The following POLR1C variants were observed in gnomAD, a reference collection of about 807,000 sequenced individuals.
POLR1C encodes RNA polymerase I and III subunit C.
A neutral mutation model predicts 38.3 loss-of-function variants in POLR1C; 42 were observed. The ratio of observed to expected loss-of-function variants is 1.10; its 90% confidence interval spans 0.86 to 1.42. The LOEUF is 1.42. Among genes scored for constraint, POLR1C ranks in the 40% most tolerant of loss-of-function variants. The pLI is 0.00. For missense variants in POLR1C, 507 were observed against 450.5 expected (o/e 1.13, Z -1.14); for synonymous variants, 163 against 163.9 (o/e 0.99, Z 0.04).
intron 9 of POLR1C, among the ~76,000 whole-genome samples, chr6:43,544,943 G>T (rs1794892267): frequency 6.6e-6 from 1 of 152,140 alleles, no homozygotes; most frequent in Non-Finnish European, 1.5e-5. Flanking sequence ...CGTGATCTTA[G>T]CTCACTGCAA....
intron 10 of POLR1C, chr6:43,555,711 C>G: frequency 8.3e-7 from 1 of 1,201,294 alleles, no homozygotes; most frequent in East Asian, 2.6e-5. Context: ...CCAGGATGAG[C>G]AAAGCTATTT....
downstream of POLR1C, chr6:43,525,798 C>T (rs1325789599): frequency 2.5e-6 from 4 of 1,601,736 alleles, no homozygotes; most frequent in Non-Finnish European, 2.6e-6. Flanking sequence ...GACTCCCCAC[C>T]TGGGCAAGGA....
intron 8 of POLR1C, chr6:43,528,761 C>T (rs200634355): frequency 5.2e-4 from 778 of 1,482,998 alleles, no homozygotes; most frequent in Non-Finnish European, 6.9e-4. Flanking sequence ...TCCTGACTTG[C>T]AAAGCTCAGA....
At chr6:43,518,056 G>A (rs1216464136) in intron 2 of POLR1C, among the ~76,000 whole-genome samples, 1 of 152,068 alleles carries the variant, frequency 6.6e-6, no homozygotes, top group Non-Finnish European at 1.5e-5. Context: ...TGTGAAGTGT[G>A]CTCCGGGCAT....
downstream of POLR1C, chr6:43,523,881 A>G: frequency 1.9e-6 from 3 of 1,613,990 alleles, no homozygotes; most frequent in Admixed American, 1.7e-5. Flanking sequence ...GGGTTCAAAG[A>G]TGGTGGCCAG....
downstream of POLR1C, among the ~76,000 whole-genome samples, chr6:43,532,770 A>G (rs1490367959): frequency 1.3e-5 from 2 of 152,216 alleles, no homozygotes. Context: ...CCTTCACAGC[A>G]AATACCACAA....
At chr6:43,526,287 G>A (rs1793583846), downstream of POLR1C, 1 of 359,812 alleles carries the variant, frequency 2.8e-6, no homozygotes, top group Non-Finnish European at 5.2e-6. Flanking sequence ...TAACATGGGA[G>A]ATAGGTAAGA....
chr6:43,522,324 G>A (rs780649755), downstream of POLR1C: 1 of 152,776 alleles, frequency 6.5e-6, no homozygotes, highest in African/African-American at 2.4e-5. Context: ...GAAAAAGGCA[G>A]ATGGGTCCCT....
chr6:43,548,237 G>A (rs773409529), intron 9 of POLR1C: 11 of 1,562,546 alleles, frequency 7.0e-6, no homozygotes, highest in Non-Finnish European at 9.6e-6. Flanking sequence ...TATAGTAAGA[G>A]TCAGGGCAAG....
chr6:43,530,798 G>A, downstream of POLR1C: 2 of 1,612,892 alleles, frequency 1.2e-6, no homozygotes, highest in Non-Finnish European at 1.7e-6. Flanking sequence ...CTGCATGGAA[G>A]GGCCTGCCTT....
downstream of POLR1C, chr6:43,531,692 G>A (rs1036194243): frequency 4.7e-6 from 4 of 852,722 alleles, no homozygotes; most frequent in African/African-American, 1.7e-5. Flanking sequence ...GTCTGGTGCT[G>A]TACTGCAAAG....
intron 9 of POLR1C, chr6:43,546,458 A>G (rs1794968998): frequency 9.5e-7 from 1 of 1,051,140 alleles, no homozygotes; most frequent in Non-Finnish European, 1.3e-6. Context: ...ATAAGACTTA[A>G]ATCAATCCCT....
intron 9 of POLR1C, among the ~76,000 whole-genome samples, chr6:43,541,255 T>C (rs1305665461): frequency 6.6e-6 from 1 of 152,212 alleles, no homozygotes; most frequent in African/African-American, 2.4e-5. Context: ...ATAACTGCAG[T>C]TGACTATAAC....
chr6:43,527,367 GT>G (rs1272747016), intron 8 of POLR1C: 4 of 292,334 alleles, frequency 1.4e-5, no homozygotes, highest in Non-Finnish European at 2.6e-5. Flanking sequence ...CGCCTCCCGG[GT>G]TCAAGCGATT....
At chr6:43,524,642 T>A, downstream of POLR1C, 1 of 1,613,268 alleles carries the variant, frequency 6.2e-7, no homozygotes, top group Non-Finnish European at 8.5e-7. Context: ...GGCGCTGATA[T>A]CAGCAGGGAT....
intron 9 of POLR1C, chr6:43,547,743 G>A: frequency 6.3e-7 from 1 of 1,586,254 alleles, no homozygotes; most frequent in South Asian, 1.1e-5. Context: ...GTTACATCAT[G>A]ACTTTAAACA....
downstream of POLR1C, chr6:43,530,621 G>C (rs1220412865): frequency 6.4e-7 from 1 of 1,554,428 alleles, no homozygotes; most frequent in Non-Finnish European, 8.7e-7. Context: ...TGGTTGCTGT[G>C]ACCTGTTTTG....
intron 9 of POLR1C, among the ~76,000 whole-genome samples, chr6:43,544,554 G>A (rs562053850): frequency 6.6e-6 from 1 of 152,294 alleles, no homozygotes; most frequent in South Asian, 2.1e-4. Flanking sequence ...AAAAGGTCTA[G>A]GTGATTAGCT....
rs1182188001 is a variant in POLR1C at position 43,521,059 on chromosome 6, A to T, written c.922+11A>T. On this transcript the variant is annotated intron_variant, in intron 8 of 8. Coordinates refer to ENST00000642195, the MANE Select transcript of POLR1C (RefSeq NM_203290.4). The stretch of plus-strand genomic sequence containing the variant: ...GAGATCATTATATCTGTGAGTATGA[A>T]GTGGTGAGATGAGTGGGCAGTGCTC... 3 of 1,608,482 alleles carry T rather than the reference A, an allele frequency of 1.9e-6. No homozygotes were observed.
Sources: allele counts gnomAD v4.1 joint callset (sites outside exome capture counted in the v4.1 genomes callset), GRCh38; gene constraint gnomAD v4.1.1; transcripts MANE v1.5; gene names NCBI Gene and HGNC (gene_info 2026-07-23, HGNC 2026-07-21).